Variants in TRRAP observed in about 807,000 individuals in gnomAD.
The protein encoded by TRRAP is transformation/transcription domain-associated protein.
A neutral mutation model predicts 438.8 loss-of-function variants in TRRAP; 41 were observed. The observed-to-expected ratio is 0.09, with a 90% confidence interval of 0.07 to 0.12. The LOEUF (loss-of-function observed/expected upper bound fraction) is 0.12, where lower values mean the gene tolerates loss of function less well. Among genes scored for constraint, TRRAP ranks in the 10% least tolerant of loss-of-function variants. The pLI, the probability that TRRAP is intolerant of heterozygous loss-of-function variation, is 1.00. For synonymous variants in TRRAP, 1,994 were observed against 1,962.9 expected, an observed-to-expected ratio of 1.02 and a Z score of -0.42; for missense variants, 3,122 against 5,055.1, an observed-to-expected ratio of 0.62 and a Z score of 11.60.
chr7:98,953,135 G>A (rs1791419961), intron 39 of TRRAP, 32 bp from the exon 40 acceptor site: 1 of 1,602,426 alleles, frequency 6.2e-7, no homozygotes, highest in African/African-American at 1.3e-5. Flanking sequence ...GTTCACAACT[G>A]GAAATGAGTC....
At position 98,990,639 on chromosome 7, in the gene TRRAP, C is replaced by T. The variant is rs780470638; in HGVS notation, c.9756+20C>T. ...AGCCAGGTGGGAAGAGCAGGGTGGC[C>T]TTGTTCACGTGCACAAAACATTGTG... On this transcript the variant is annotated intron_variant, in intron 64 of 72. Transcript: ENST00000456197. 2 of 1,595,922 alleles carry T rather than the reference C, an allele frequency of 1.3e-6. No homozygotes were observed. Among genetic ancestry groups the T allele is most frequent in the Non-Finnish European group, 8.6e-7 (1 of 1,166,454 alleles).
chr7:98,999,628 G>A (rs928914303), intron 67 of TRRAP: 3 of 878,910 alleles, frequency 3.4e-6, no homozygotes, highest in Non-Finnish European at 5.7e-6. Flanking sequence ...AGAGAGCTGA[G>A]TTGGTGACAG....
chr7:98,919,849 A>G (rs782048687), intron 20 of TRRAP, among the ~76,000 whole-genome samples: 2 of 152,180 alleles, frequency 1.3e-5, no homozygotes, highest in Non-Finnish European at 2.9e-5. Context: ...AGGAACCACC[A>G]CAGGCCTCCA....
At position 98,956,580 on chromosome 7, in the gene TRRAP, T is replaced by G; in HGVS notation, c.6231+47T>G. 6.3e-7 allele frequency: 1 copy of G among 1,585,622 alleles called. No homozygotes were observed. Among genetic ancestry groups the G allele is most frequent in the Non-Finnish European group, 8.6e-7 (1 of 1,168,716 alleles). ...TGGGTGCTGCGCATTCTGCTGGGAG[T>G]TGGTTCGTTTATTCCCTATATTTAG... On this transcript the variant is annotated intron_variant, in intron 43 of 72. Transcript: ENST00000456197. This position sits in a 1 kb window ranked among gnomAD's most constrained non-coding sequence, Gnocchi z 4.5.
intron 63 of TRRAP, among the ~76,000 whole-genome samples, 172 bp from the exon 64 acceptor site, chr7:98,990,283 T>C (rs1793368161): frequency 6.6e-6 from 1 of 152,262 alleles, no homozygotes; most frequent in Non-Finnish European, 1.5e-5. Flanking sequence ...TTAGGTTTTA[T>C]ATACTGTAAG....
At chr7:99,009,706 C>T (rs1355598575) in intron 70 of TRRAP, among the ~76,000 whole-genome samples, 1 of 152,176 alleles carries the variant, frequency 6.6e-6, no homozygotes, top group African/African-American at 2.4e-5. Context: ...ATGCTGACCT[C>T]AGAGTCATCC....
chr7:99,012,467 C>G lies in TRRAP; in HGVS notation c.*112C>G. 1 of 1,292,820 alleles carries G rather than the reference C, an allele frequency of 7.7e-7. No homozygotes were observed. The highest frequency in any genetic ancestry group is 1.0e-6 in the Non-Finnish European group (1 of 961,188). 80.1% of individuals were successfully genotyped at this position (1,292,820 alleles called of 1,614,324 possible). ...TATATTCACAGAAGCCCCATAGTTTCACTGGGTTGCGGTTATTTTCCTGGT... is the reference window on the plus strand; with the variant it reads ...TATATTCACAGAAGCCCCATAGTTTGACTGGGTTGCGGTTATTTTCCTGGT... On this transcript the variant is annotated 3_prime_UTR_variant, in exon 73 of 73. Coordinates refer to ENST00000456197, the MANE Select transcript of TRRAP (RefSeq NM_001375524.1). The surrounding 1 kb of genome is among the most constrained non-coding windows in gnomAD (Gnocchi z 5.9).
Position 98,943,012 on chromosome 7 carries a change from G to A in TRRAP, c.4468G>A (p.Gly1490Arg), listed in dbSNP as rs782538652. Reference sequence around the variant, plus strand: ...CCACAAAGGGGGCCAGAGGAGCGACGGAAACGTGAGTGACTTGTTTGTTTC... The same window carrying A: ...CCACAAAGGGGGCCAGAGGAGCGACAGAAACGTGAGTGACTTGTTTGTTTC... ...ITHKGGQRSD[G>R]NESISECGRC... The change falls in exon 31 of 73, where the codon GGA (glycine) becomes AGA (arginine). Residue 1490 changes from glycine (G) to arginine (R), a missense_variant. By Grantham distance (125) the Gly-to-Arg change is moderately radical (BLOSUM62 -2). This residue lies in a region of TRRAP where 108 missense variants were observed against 256.9 expected (regional missense o/e 0.42). Transcript: ENST00000456197. The A allele has an allele frequency of 5.6e-6, 9 of 1,614,000 alleles. No homozygotes were observed. Among genetic ancestry groups the A allele is most frequent in the African/African-American group, 2.7e-5 (2 of 74,912 alleles).
At chr7:98,942,385 C>T (rs1223871471) in intron 30 of TRRAP, among the ~76,000 whole-genome samples, 2 of 152,246 alleles carry the variant, frequency 1.3e-5, no homozygotes, top group Non-Finnish European at 2.9e-5. Context: ...CCCTCCTCTT[C>T]TCTCTGCCCT....
At chr7:98,900,354 C>T (rs781905234) in intron 10 of TRRAP, among the ~76,000 whole-genome samples, 41 of 152,246 alleles carry the variant, frequency 2.7e-4, no homozygotes, top group Non-Finnish European at 4.6e-4. Flanking sequence ...ATTCTTTCTG[C>T]GGATTGAGTA....
chr7:98,995,866 C>T (rs534575590), intron 67 of TRRAP, among the ~76,000 whole-genome samples: 43 of 140,850 alleles, frequency 3.1e-4, no homozygotes, highest in Non-Finnish European at 5.6e-4. Flanking sequence ...CATTTACACA[C>T]GCATGTCCCA....
In TRRAP at chr7:98,976,077, G is replaced by A. The variant is rs143041344; in HGVS notation, c.7840-72G>A. On this transcript the variant is annotated intron_variant, in intron 53 of 72. Transcript: ENST00000456197. The surrounding 1 kb of genome is among the most constrained non-coding windows in gnomAD (Gnocchi z 4.6). ...GTAATGTATGAGACAGATCATGGGT[G>A]TCTTCTGAGCGTGGTTGTGCGAGGC... The A allele has an allele frequency of 6.3e-7, 1 of 1,578,810 alleles. No homozygotes were observed. Among genetic ancestry groups the A allele is most frequent in the African/African-American group, 1.4e-5 (1 of 73,980 alleles).
intron 46 of TRRAP, 136 bp downstream of exon 46, chr7:98,961,610 T>C: frequency 8.9e-7 from 1 of 1,123,944 alleles, no homozygotes; most frequent in Non-Finnish European, 1.3e-6. Context: ...AAACTTTCTT[T>C]TAAAAACTGA....
At chr7:98,927,446 T>C (rs1790103584) in intron 23 of TRRAP, 80 bp downstream of exon 23, 2 of 1,511,182 alleles carry the variant, frequency 1.3e-6, no homozygotes, top group East Asian at 2.4e-5. Flanking sequence ...CAGGACATTT[T>C]GTTGTTCTAG....
chr7:98,973,776 C>T (rs1167945464), intron 53 of TRRAP, among the ~76,000 whole-genome samples: 1 of 152,196 alleles, frequency 6.6e-6, no homozygotes, highest in Non-Finnish European at 1.5e-5. Context: ...AGGAGACCCT[C>T]GAACTCAGTG....
intron 20 of TRRAP, 73 bp downstream of exon 20, chr7:98,917,752 C>A: frequency 6.5e-7 from 1 of 1,547,124 alleles, no homozygotes; most frequent in East Asian, 2.3e-5. Flanking sequence ...TCTCTGTACT[C>A]AAGAGTGGGC....
chr7:98,887,425 AAC>A (rs1554404122), intron 3 of TRRAP, among the ~76,000 whole-genome samples: 1 of 152,070 alleles, frequency 6.6e-6, no homozygotes. Flanking sequence ...AAAGGTGCCA[AAC>A]ACAGTTCTTC....
At chr7:98,903,879 C>T (rs782345068) in intron 12 of TRRAP, among the ~76,000 whole-genome samples, 2 of 152,116 alleles carry the variant, frequency 1.3e-5, no homozygotes, top group Non-Finnish European at 2.9e-5. Context: ...AGGGAAACTC[C>T]CCTTTTTAAA....
rs919686080 is a variant in TRRAP, at chr7:98,944,763, A to C, written c.4474-984A>C. On this transcript the variant is annotated intron_variant, in intron 31 of 72. Coordinates refer to ENST00000456197, the MANE Select transcript of TRRAP (RefSeq NM_001375524.1). ...TTCCGTTGAGACACTATAATTGAAG[A>C]TATGCTAGATCGTTGACTAAAGAAA... Among the ~76,000 whole-genome samples the C allele has an allele frequency of 2.2e-4, 33 of 152,158 alleles. 1 individual carries two copies. The highest frequency in any genetic ancestry group is 7.7e-4 in the African/African-American group (32 of 41,440).
Sources: allele counts gnomAD v4.1 joint callset (sites outside exome capture counted in the v4.1 genomes callset), GRCh38; gene constraint gnomAD v4.1.1; regional missense constraint gnomAD v4.1.1; non-coding constraint Gnocchi (gnomAD v3.1); transcripts MANE v1.5; gene names NCBI Gene and HGNC (gene_info 2026-07-23, HGNC 2026-07-21).